The following PRPF6 variants were observed in gnomAD, a reference collection of about 807,000 sequenced individuals.
PRPF6 encodes the protein pre-mRNA processing factor 6.
In PRPF6, 42 loss-of-function variants were observed where a neutral mutation model predicts 118.3. The observed-to-expected ratio is 0.35, with a 90% CI of 0.28 to 0.46. The LOEUF is 0.46. Among genes scored for constraint, PRPF6 ranks in the 20% least tolerant of loss-of-function variants. The pLI is 1.00. For synonymous variants in PRPF6, 481 were observed against 485.1 expected (o/e 0.99, Z 0.11); for missense variants, 662 against 1,255.7 (o/e 0.53, Z 7.15).
Position 64,026,307 on chromosome 20 carries a change from G to C in PRPF6, c.2028+249G>C, listed in dbSNP as rs1414534987. 6.6e-6 allele frequency among the ~76,000 whole-genome samples: 1 copy of C among 150,996 alleles called. No homozygotes were observed. The highest frequency in any genetic ancestry group is 1.5e-5 in the Non-Finnish European group (1 of 67,816). ...AGATCACCTGAGGGTGGGAGTTTGA[G>C]ACCAGCCTGACCAACATGGAGAAAC... is the stretch of plus-strand genomic sequence containing the variant. On this transcript the variant is annotated intron_variant, in intron 15 of 20. Coordinates refer to ENST00000266079, the MANE Select transcript of PRPF6 (RefSeq NM_012469.4). The surrounding 1 kb of genome is among the most constrained non-coding windows in gnomAD (Gnocchi z 4.4).
In PRPF6 at chr20:64,027,747, G is replaced by T. The variant is rs1273518018; in HGVS notation, c.2339+11G>T. The stretch of plus-strand genomic sequence containing the variant: ...GAACCCTGGGCTGTGGTGAGTCCTG[G>T]AGGGGGCAGCCTGGCCTCTGGGCAC... On this transcript the variant is annotated intron_variant, in intron 17 of 20. Coordinates refer to ENST00000266079, the MANE Select transcript of PRPF6 (RefSeq NM_012469.4). This position sits in a 1 kb window ranked among gnomAD's most constrained non-coding sequence, Gnocchi z 6.5. 6.2e-7 allele frequency: 1 copy of T among 1,613,544 alleles called. No homozygotes were observed. The highest frequency in any genetic ancestry group is 8.5e-7 in the Non-Finnish European group (1 of 1,180,026).
At chr20:63,997,419 T>G (rs2059145405) in intron 6 of PRPF6, among the ~76,000 whole-genome samples, 1 of 151,190 alleles carries the variant, frequency 6.6e-6, no homozygotes, top group African/African-American at 2.4e-5. Context: ...GCCTCCCAAG[T>G]AGCTGGGACT....
chr20:63,988,863 C>G (rs1416023561), intron 3 of PRPF6, among the ~76,000 whole-genome samples: 8 of 147,448 alleles, frequency 5.4e-5, no homozygotes, highest in African/African-American at 2.0e-4. Flanking sequence ...AGTGAGACTC[C>G]GTCTCAAAAA....
chr20:63,982,334 G>A (rs1463458934), intron 1 of PRPF6, among the ~76,000 whole-genome samples: 1 of 152,102 alleles, frequency 6.6e-6, no homozygotes, highest in Admixed American at 6.5e-5. Flanking sequence ...ACCACGCCCG[G>A]CTAATTTTTG....
chr20:64,026,917 A>G lies in PRPF6; in HGVS notation c.2029-65A>G. 1 of 1,554,186 alleles carries G rather than the reference A, an allele frequency of 6.4e-7. No homozygotes were observed. The highest frequency in any genetic ancestry group is 8.9e-7 in the Non-Finnish European group (1 of 1,126,746). On this transcript the variant is annotated intron_variant, in intron 15 of 20. Transcript: ENST00000266079. This position sits in a 1 kb window ranked among gnomAD's most constrained non-coding sequence, Gnocchi z 4.4. The stretch of plus-strand genomic sequence containing the variant: ...ACTGCAGGTAACAGTGTTGAGGATG[A>G]GTGTACCATGAAGCACGTACCCTGG...
At chr20:63,993,197 C>G (rs1419515672) in intron 3 of PRPF6, among the ~76,000 whole-genome samples, 1 of 144,082 alleles carries the variant, frequency 6.9e-6, no homozygotes, top group Non-Finnish European at 1.5e-5. Flanking sequence ...GCCTGGGTGA[C>G]AGAGCAAGAC....
At chr20:64,009,760 C>T (rs1242481545) in intron 9 of PRPF6, among the ~76,000 whole-genome samples, 2 of 152,140 alleles carry the variant, frequency 1.3e-5, no homozygotes, top group Non-Finnish European at 2.9e-5. Flanking sequence ...CGCAGAAAGT[C>T]CCCTGGTGCC....
chr20:64,011,525 TG>T lies in PRPF6; in HGVS notation c.1524+24del. 6.2e-7 allele frequency: 1 copy of T among 1,601,606 alleles called. No individual in the cohort carries two copies. Among genetic ancestry groups the T allele is most frequent in the Non-Finnish European group, 8.5e-7 (1 of 1,174,842 alleles). ...CCAGGTGGGCCGCAGGCGGGTGTCG[TG>T]GTGTCTGCTTTAACAGTGCACATGC... is the stretch of plus-strand genomic sequence containing the variant. On this transcript the variant is annotated intron_variant, in intron 11 of 20. Coordinates refer to ENST00000266079, the MANE Select transcript of PRPF6 (RefSeq NM_012469.4). This position sits in a 1 kb window ranked among gnomAD's most constrained non-coding sequence, Gnocchi z 6.7.
intron 8 of PRPF6, among the ~76,000 whole-genome samples, 196 bp downstream of exon 8, chr20:63,999,955 C>CTT (rs35446612): frequency 0.27 from 38,968 of 145,722 alleles, 5,501 homozygotes; most frequent in Non-Finnish European, 0.31. Flanking sequence ...TAATCCACCA[C>CTT]TTTTTTTTTT....
intron 9 of PRPF6, among the ~76,000 whole-genome samples, chr20:64,008,353 C>T (rs1434827462): frequency 4.7e-5 from 7 of 147,592 alleles, no homozygotes; most frequent in Admixed American, 1.3e-4. Context: ...TTCCTGTATC[C>T]TCTGTTTCCT....
chr20:64,014,794 G>A (rs1569220600), intron 11 of PRPF6, among the ~76,000 whole-genome samples: 1 of 152,180 alleles, frequency 6.6e-6, no homozygotes, highest in East Asian at 1.9e-4. Context: ...CAGAGTCATC[G>A]AACGTAAAGT....
intron 12 of PRPF6, among the ~76,000 whole-genome samples, chr20:64,022,452 C>T (rs1049953880): frequency 6.6e-6 from 1 of 152,106 alleles, no homozygotes; most frequent in Non-Finnish European, 1.5e-5. Context: ...GGATTACAGG[C>T]GCATGCCACC....
intron 3 of PRPF6, 96 bp from the exon 4 acceptor site, chr20:63,993,311 G>A: frequency 1.5e-6 from 1 of 663,126 alleles, no homozygotes; most frequent in South Asian, 1.5e-5. Context: ...TAAGAGTATG[G>A]AATTGTTCTT....
At chr20:64,022,958 C>T in intron 13 of PRPF6, 80 bp downstream of exon 13, 2 of 1,599,392 alleles carry the variant, frequency 1.3e-6, no homozygotes, top group Non-Finnish European at 1.7e-6. Flanking sequence ...TTAAACCTCT[C>T]ATGTCTGCTC....
rs2059289737 is a variant in PRPF6, at chr20:64,026,207, C to A, written c.2028+149C>A. 1 of 1,445,954 alleles carries A rather than the reference C, an allele frequency of 6.9e-7. No individual in the cohort carries two copies. The highest frequency in any genetic ancestry group is 9.4e-7 in the Non-Finnish European group (1 of 1,066,934). 89.6% of individuals were successfully genotyped at this position (1,445,954 alleles called of 1,614,324 possible). On this transcript the variant is annotated intron_variant, in intron 15 of 20. Transcript: ENST00000266079. This position sits in a 1 kb window ranked among gnomAD's most constrained non-coding sequence, Gnocchi z 4.4. ...ATCTTTGTGATGTGACTAAAACATT[C>A]ATGTGGCCGGGCGTGGTGGCCGGGC...
intron 11 of PRPF6, among the ~76,000 whole-genome samples, chr20:64,015,504 G>A (rs540681905): frequency 7.2e-5 from 11 of 152,316 alleles, no homozygotes; most frequent in African/African-American, 2.6e-4. Flanking sequence ...CCATGTCGTG[G>A]TCCCCCATGT....
intron 4 of PRPF6, 70 bp from the exon 5 acceptor site, chr20:63,994,846 G>A (rs6011249): frequency 6.3e-7 from 1 of 1,589,590 alleles, no homozygotes; most frequent in Admixed American, 1.7e-5. Context: ...GGTGAGAGAG[G>A]GCATGGTCCT....
At position 63,983,350 on chromosome 20, in the gene PRPF6, C is replaced by T; in HGVS notation, c.240+135C>T. The T allele has an allele frequency of 2.7e-6, 3 of 1,129,738 alleles. No homozygotes were observed. In the South Asian group the frequency reaches 3.8e-5, roughly 14 times the overall value. The allele number at this position is 1,129,738 out of a possible 1,614,324, so 70.0% of individuals were successfully genotyped here. ...TAAATTTTAGCTATTCATGGAACAT[C>T]TTTACTGAGAGTGAGAGGGAGCAGG... On this transcript the variant is annotated intron_variant, in intron 2 of 20. Coordinates refer to ENST00000266079, the MANE Select transcript of PRPF6 (RefSeq NM_012469.4).
chr20:64,016,657 C>T (rs1601526499), intron 11 of PRPF6, 66 bp from the exon 12 acceptor site: 4 of 1,598,376 alleles, frequency 2.5e-6, no homozygotes, highest in East Asian at 4.5e-5. Flanking sequence ...GAACTCCGTA[C>T]TCCCCGTTGG....
Sources: allele counts gnomAD v4.1 joint callset (sites outside exome capture counted in the v4.1 genomes callset), GRCh38; gene constraint gnomAD v4.1.1; non-coding constraint Gnocchi (gnomAD v3.1); transcripts MANE v1.5; gene names NCBI Gene and HGNC (gene_info 2026-07-23, HGNC 2026-07-21).